Variants in DHTKD1 observed in about 807,000 individuals in gnomAD.
DHTKD1 encodes dehydrogenase E1 and transketolase domain containing 1.
In DHTKD1, 78 loss-of-function variants were observed where a neutral mutation model predicts 101.8. The observed-to-expected ratio is 0.77, with a 90% CI of 0.64 to 0.93. DHTKD1 has a LOEUF of 0.93. Ranked by LOEUF, DHTKD1 falls within the 40% of genes least tolerant of loss-of-function variation. DHTKD1 has a pLI of 0.00. For missense variants in DHTKD1, 1,223 were observed against 1,161.7 expected, an observed-to-expected ratio of 1.05 and a Z score of -0.77; for synonymous variants, 462 against 450.3, an observed-to-expected ratio of 1.03 and a Z score of -0.33.
At chr10:12,119,416 C>T (rs561147129) in intron 15 of DHTKD1, among the ~76,000 whole-genome samples, 7 of 151,058 alleles carry the variant, frequency 4.6e-5, no homozygotes, top group Non-Finnish European at 8.8e-5. Flanking sequence ...GAGATCAAGA[C>T]CATCCTGGCT....
Position 12,101,060 on chromosome 10 carries a change from G to A in DHTKD1, c.1775G>A (p.Ser592Asn). 1 of 1,613,658 alleles carries A rather than the reference G, an allele frequency of 6.2e-7. No individual in the cohort carries two copies. ...GCTTAAGGTTTTAATGTTCGTCTAA[G>A]TGGCCAAGATGTTGGTCGTGGAACT... ...LLAQGFNVRL[S>N]GQDVGRGTFS... The change falls in exon 10 of 17, where the codon AGT becomes AAT. Residue 592 changes from serine to asparagine, a missense_variant. By Grantham distance (46) the Ser-to-Asn change is conservative. Coordinates refer to ENST00000263035, the MANE Select transcript of DHTKD1 (RefSeq NM_018706.7).
chr10:12,115,656 C>T (rs116994097), intron 13 of DHTKD1, among the ~76,000 whole-genome samples: 1,653 of 152,256 alleles, frequency 0.011, 12 homozygotes, highest in Non-Finnish European at 0.018. Flanking sequence ...CCCAGTGTTT[C>T]GCAAACAACC....
chr10:12,068,978 C>G lies in DHTKD1; in HGVS notation c.-56C>G, dbSNP rs1032388256. The G allele has an allele frequency of 3.7e-6, 6 of 1,600,228 alleles. No homozygotes were observed. The highest frequency in any genetic ancestry group is 4.3e-6 in the Non-Finnish European group (5 of 1,172,514). Reference sequence around the variant, plus strand: ...TGACGAGTCCCGGATTTACCAGGGCCGGTGGGATCCCCTCGGGCTCCCGCC... The same window carrying G: ...TGACGAGTCCCGGATTTACCAGGGCGGGTGGGATCCCCTCGGGCTCCCGCC... On this transcript the variant is annotated 5_prime_UTR_variant, in exon 1 of 17. Coordinates refer to ENST00000263035, the MANE Select transcript of DHTKD1 (RefSeq NM_018706.7).
rs541613761 is a variant in DHTKD1 at position 12,107,796 on chromosome 10, G to T, written c.2048-113G>T. The T allele has an allele frequency of 3.0e-6, 2 of 670,980 alleles. No homozygotes were observed. The highest frequency in any genetic ancestry group is 3.6e-5 in the South Asian group (2 of 56,014). 41.6% of individuals were successfully genotyped at this position (670,980 alleles called of 1,614,324 possible). A position where few individuals can be genotyped will look rare whatever the true frequency, so the allele number is the denominator to read the frequency against. On this transcript the variant is annotated intron_variant, in intron 11 of 16. Transcript: ENST00000263035. The surrounding 1 kb of genome is among the most constrained non-coding windows in gnomAD (Gnocchi z 4.1). The stretch of plus-strand genomic sequence containing the variant: ...GTTCTAGAAGGTGCATGTAATGAAA[G>T]CAGTTTTGGGGGGCCAGGCAGAAAA...
At chr10:12,117,926 A>G (rs945965217) in intron 14 of DHTKD1, among the ~76,000 whole-genome samples, 171 bp downstream of exon 14, 4 of 151,456 alleles carry the variant, frequency 2.6e-5, no homozygotes, top group East Asian at 3.9e-4. Flanking sequence ...GTCTGGCTCT[A>G]TTGCCCAGGC....
chr10:12,109,010 T>C (rs1254360606), intron 12 of DHTKD1, among the ~76,000 whole-genome samples: 7 of 151,814 alleles, frequency 4.6e-5, no homozygotes, highest in Non-Finnish European at 1.0e-4. Flanking sequence ...AAATTAGCCA[T>C]GTGTAGTGGC....
intron 1 of DHTKD1, among the ~76,000 whole-genome samples, chr10:12,073,396 G>T (rs1832678756): frequency 6.6e-6 from 1 of 151,838 alleles, no homozygotes; most frequent in Admixed American, 6.6e-5. Flanking sequence ...ACCCAGGCAG[G>T]AGTGCAGTGG....
rs774312036 is a variant in DHTKD1 at position 12,100,264 on chromosome 10, T to A, written c.1756+2T>A. The A allele has an allele frequency of 6.9e-7, 1 of 1,451,684 alleles. No homozygotes were observed. Among genetic ancestry groups the A allele is most frequent in the Non-Finnish European group, 9.4e-7 (1 of 1,063,836 alleles). The allele number at this position is 1,451,684 out of a possible 1,614,324, so 89.9% of individuals were successfully genotyped here. A position where few individuals can be genotyped will look rare whatever the true frequency, so the allele number is the denominator to read the frequency against. ...CCTTGGGTTCTTTACTTGCTCAAGG[T>A]AAGAATTTTCTTTTTTTTTTCTGTT... On this transcript the variant is annotated splice_donor_variant, in intron 9 of 16. Coordinates refer to ENST00000263035, the MANE Select transcript of DHTKD1 (RefSeq NM_018706.7). LOFTEE classifies it high-confidence loss of function.
At chr10:12,118,423 C>T (rs1044172523) in intron 14 of DHTKD1, among the ~76,000 whole-genome samples, 5 of 149,548 alleles carry the variant, frequency 3.3e-5, no homozygotes, top group African/African-American at 9.9e-5. Context: ...TGCTCTGTCG[C>T]CCAGGCTGGA....
chr10:12,092,942 A>G (rs1278047422), intron 6 of DHTKD1, among the ~76,000 whole-genome samples: 4 of 152,030 alleles, frequency 2.6e-5, no homozygotes, highest in African/African-American at 7.2e-5. Flanking sequence ...CAGTGGTACA[A>G]TCATGGCTCA....
At chr10:12,116,827 G>A (rs1833425270) in intron 13 of DHTKD1, among the ~76,000 whole-genome samples, 1 of 151,590 alleles carries the variant, frequency 6.6e-6, no homozygotes, top group African/African-American at 2.4e-5. Flanking sequence ...ATCCTCCTGA[G>A]TAGCTGGGAC....
chr10:12,102,803 A>G (rs1833190905), intron 10 of DHTKD1, among the ~76,000 whole-genome samples: 1 of 152,122 alleles, frequency 6.6e-6, no homozygotes, highest in Non-Finnish European at 1.5e-5. Context: ...ATCTAGGCTC[A>G]CTGCAACCTC....
In DHTKD1 at chr10:12,100,274, C is replaced by CTTTTTTTT. The variant is rs375494996; in HGVS notation, c.1756+15_1756+22dup. On this transcript the variant is annotated intron_variant, in intron 9 of 16. Transcript: ENST00000263035. ...TTTACTTGCTCAAGGTAAGAATTTT[C>CTTTTTTTT]TTTTTTTTTTCTGTTTTTTTTTTTT... 1.7e-5 allele frequency: 6 copies of CTTTTTTTT among 352,988 alleles called. No homozygotes were observed. Among genetic ancestry groups the CTTTTTTTT allele is most frequent in the Non-Finnish European group, 1.7e-5 (4 of 233,692 alleles). The allele number at this position is 352,988 out of a possible 1,614,324, so 21.9% of individuals were successfully genotyped here. A position where few individuals can be genotyped will look rare whatever the true frequency, so the allele number is the denominator to read the frequency against.
At chr10:12,118,000 G>A (rs1314969775) in intron 14 of DHTKD1, among the ~76,000 whole-genome samples, 1 of 151,386 alleles carries the variant, frequency 6.6e-6, no homozygotes, top group African/African-American at 2.4e-5. Flanking sequence ...AGTGATTCTT[G>A]TGCTTCAGCC....
At chr10:12,073,502 A>G (rs1216486807) in intron 1 of DHTKD1, among the ~76,000 whole-genome samples, 2 of 152,090 alleles carry the variant, frequency 1.3e-5, no homozygotes, top group Admixed American at 6.6e-5. Context: ...GCTCACCACC[A>G]TGCCTGGCTA....
rs1019377999 is a variant in DHTKD1 at position 12,075,047 on chromosome 10, A to G, written c.154+5860A>G. On this transcript the variant is annotated intron_variant, in intron 1 of 16. Coordinates refer to ENST00000263035, the MANE Select transcript of DHTKD1 (RefSeq NM_018706.7). ...AATCGCTGGAACCTGGGAAGTAGAC[A>G]TTGCAGTGAGCCGAGATGGTGCCAC... Among the ~76,000 whole-genome samples the G allele has an allele frequency of 1.3e-3, 193 of 152,090 alleles. 1 individual carries two copies. Among genetic ancestry groups the G allele is most frequent in the African/African-American group, 4.4e-3 (181 of 41,444 alleles).
chr10:12,094,293 T>G, intron 7 of DHTKD1, 22 bp downstream of exon 7: 1 of 1,594,468 alleles, frequency 6.3e-7, no homozygotes, highest in Non-Finnish European at 8.6e-7. Context: ...AACCCTTGTG[T>G]GATATGCCCC....
rs193212965 is a variant in DHTKD1 at position 12,100,412 on chromosome 10, G to C, written c.1756+150G>C. The C allele has an allele frequency of 1.0e-5, 5 of 500,560 alleles. No individual in the cohort carries two copies. In the South Asian group the frequency reaches 1.2e-4, roughly 12 times the overall value. 31.0% of individuals were successfully genotyped at this position (500,560 alleles called of 1,614,324 possible). On this transcript the variant is annotated intron_variant, in intron 9 of 16. Coordinates refer to ENST00000263035, the MANE Select transcript of DHTKD1 (RefSeq NM_018706.7). ...CCTGCCCCAGCCTCCCAAGTAGGGC[G>C]CACCACCATGCCCAGCTAATTTTTG...
chr10:12,091,341 G>A (rs1057305621), intron 5 of DHTKD1, among the ~76,000 whole-genome samples, 172 bp from the exon 6 acceptor site: 2 of 143,522 alleles, frequency 1.4e-5, no homozygotes, highest in Admixed American at 7.5e-5. Flanking sequence ...GAACCCGGGA[G>A]GCAGAGGATG....
Sources: allele counts gnomAD v4.1 joint callset (sites outside exome capture counted in the v4.1 genomes callset), GRCh38; gene constraint gnomAD v4.1.1; non-coding constraint Gnocchi (gnomAD v3.1); transcripts MANE v1.5; gene names NCBI Gene and HGNC (gene_info 2026-07-23, HGNC 2026-07-21).